Variants in DNAJB1 observed in about 807,000 individuals in gnomAD.
DNAJB1 encodes the protein DnaJ heat shock protein family (Hsp40) member B1.
DNAJB1 carries 14 observed loss-of-function variants against 24.0 expected under a neutral mutation model. That is an observed-to-expected ratio of 0.58 (90% CI 0.39 to 0.91). The LOEUF is 0.91. DNAJB1 is among the 40% of genes least tolerant of loss of function. The pLI, the probability that DNAJB1 is intolerant of heterozygous loss-of-function variation, is 0.00. For synonymous variants in DNAJB1, 262 were observed against 174.4 expected (o/e 1.50, Z -3.96); for missense variants, 517 against 458.1 (o/e 1.13, Z -1.17).
chr19:14,552,181 T>G (rs191484029), upstream of DNAJB1, among the ~76,000 whole-genome samples: 1,154 of 149,976 alleles, frequency 7.7e-3, 8 homozygotes, highest in Middle Eastern at 0.021. Context: ...TCTTTTTTTT[T>G]TTTTTTGAGA....
At chr19:14,529,299 AC>A in exon 1 of DNAJB1, 1 of 387,074 alleles carries the variant, frequency 2.6e-6, no homozygotes, top group East Asian at 5.6e-5. Flanking sequence ...GTCTGGCCTA[AC>A]CGTCGCTTAC....
At chr19:14,529,013 T>A (rs2072507191) in intron 1 of DNAJB1, 1 of 153,626 alleles carries the variant, frequency 6.5e-6, no homozygotes, top group Non-Finnish European at 1.5e-5. Flanking sequence ...CACCCCAGAA[T>A]GGGGCTGGGG....
At chr19:14,521,196 C>T (rs772241406), upstream of DNAJB1, among the ~76,000 whole-genome samples, 7 of 152,226 alleles carry the variant, frequency 4.6e-5, no homozygotes, top group African/African-American at 1.2e-4. Context: ...GGTGACTCAA[C>T]GCCTATAATC....
Position 14,518,373 on chromosome 19 carries a change from C to T in DNAJB1, c.-24G>A, listed in dbSNP as rs775704407. On this transcript the variant is annotated 5_prime_UTR_variant, in exon 1 of 3. Coordinates refer to ENST00000254322, the MANE Select transcript of DNAJB1 (RefSeq NM_006145.3). The stretch of plus-strand genomic sequence containing the variant: ...ATGACCCCCTCCTGCGGCCCGCCGA[C>T]CCGCTGTCGCCGTCCCCCGGCTCCG... 7 of 1,528,892 alleles carry T rather than the reference C, an allele frequency of 4.6e-6. No individual in the cohort carries two copies. Among genetic ancestry groups the T allele is most frequent in the Non-Finnish European group, 6.1e-6 (7 of 1,148,300 alleles). The allele number at this position is 1,528,892 out of a possible 1,614,324, so 94.7% of individuals were successfully genotyped here.
chr19:14,551,394 G>T (rs1038757034), upstream of DNAJB1, among the ~76,000 whole-genome samples: 2 of 152,104 alleles, frequency 1.3e-5, no homozygotes, highest in Non-Finnish European at 2.9e-5. Context: ...ATTTTGTGTA[G>T]AGAAGGAGTT....
At chr19:14,554,695 C>G (rs1388112212), upstream of DNAJB1, among the ~76,000 whole-genome samples, 1 of 152,136 alleles carries the variant, frequency 6.6e-6, no homozygotes, top group Non-Finnish European at 1.5e-5. Context: ...TTCCCTGTAC[C>G]TCTCATCCCC....
chr19:14,545,312 A>G (rs757729569), intron 1 of DNAJB1: 1 of 413,122 alleles, frequency 2.4e-6, no homozygotes, highest in East Asian at 7.2e-5. Context: ...GGGCCTTTGC[A>G]TTCCCCGCCA....
intron 1 of DNAJB1, among the ~76,000 whole-genome samples, chr19:14,558,316 T>C (rs1366477468): frequency 6.6e-6 from 1 of 152,108 alleles, no homozygotes; most frequent in Non-Finnish European, 1.5e-5. Context: ...CCCCCATTAG[T>C]AATATCTTCA....
intron 2 of DNAJB1, 102 bp from the exon 3 acceptor site, chr19:14,516,272 G>A (rs1313228447): frequency 4.3e-6 from 6 of 1,385,986 alleles, no homozygotes; most frequent in Non-Finnish European, 5.9e-6. Context: ...GGCCTCTGCA[G>A]CTAAGACCTG....
rs1288191702 is a variant in DNAJB1 at position 14,542,360 on chromosome 19, T to G, written c.-214+7848A>C. Among the ~76,000 whole-genome samples, 6 of 128,426 alleles carry G rather than the reference T, an allele frequency of 4.7e-5. No homozygotes were observed. The East Asian group carries it at 6.6e-4, about 14-fold the overall frequency. 84.3% of individuals were successfully genotyped at this position (128,426 alleles called of 152,430 possible). On this transcript the variant is annotated intron_variant, in intron 1 of 3. Coordinates refer to the DNAJB1 transcript ENST00000676982. ...TCATGCCATAGTGTTTTTTTTTTTT[T>G]TTTTTTTTTTTTTTTTCTGAGATGG...
At chr19:14,559,185 G>A (rs1210699933) in intron 1 of DNAJB1, among the ~76,000 whole-genome samples, 2 of 152,176 alleles carry the variant, frequency 1.3e-5, no homozygotes, top group Non-Finnish European at 2.9e-5. Context: ...AATTTATTGA[G>A]GTGAAATTCA....
chr19:14,531,889 G>C (rs527324327), upstream of DNAJB1: 2 of 152,026 alleles, frequency 1.3e-5, no homozygotes, highest in South Asian at 4.1e-4. Flanking sequence ...CACTACTGTA[G>C]TCTCAGCTAC....
chr19:14,525,234 A>T (rs914459264), intron 2 of DNAJB1, among the ~76,000 whole-genome samples: 4 of 152,226 alleles, frequency 2.6e-5, no homozygotes, highest in Non-Finnish European at 5.9e-5. Flanking sequence ...CTCCATCTCA[A>T]AAATAAAAAT....
intron 2 of DNAJB1, among the ~76,000 whole-genome samples, chr19:14,525,298 A>G (rs1173567928): frequency 6.7e-6 from 1 of 150,362 alleles, no homozygotes; most frequent in Admixed American, 6.7e-5. Flanking sequence ...TTTCATCAAC[A>G]TAGCAACACC....
chr19:14,547,930 C>A (rs2073360603), intron 1 of DNAJB1, among the ~76,000 whole-genome samples: 1 of 151,536 alleles, frequency 6.6e-6, no homozygotes, highest in Admixed American at 6.6e-5. Context: ...CCTGCCTTGG[C>A]CTCCCAACCA....
At chr19:14,548,284 A>G (rs2073373863) in intron 1 of DNAJB1, among the ~76,000 whole-genome samples, 1 of 151,932 alleles carries the variant, frequency 6.6e-6, no homozygotes, top group African/African-American at 2.4e-5. Flanking sequence ...CAAACTTTAC[A>G]TGTCCAAAAT....
rs2072276553 is a variant in DNAJB1 at position 14,516,973 on chromosome 19, A to G, written c.285T>C (p.His95=). ...CAGCAAACATGGCATGAGGGTCTCC[A>G]TGGAATGTGTAGCTGAAAGAGGTAC... The part of the protein sequence containing the change: ...ANGTSFSYTF[H]GDPHAMFAEF... Residue 95 remains histidine, a synonymous_variant, in exon 2 of 3, where the codon CAT becomes CAC. Transcript: ENST00000254322. 1.2e-6 allele frequency: 2 copies of G among 1,613,054 alleles called. No homozygotes were observed.
intron 1 of DNAJB1, among the ~76,000 whole-genome samples, chr19:14,536,294 G>T (rs1267996475): frequency 6.8e-6 from 1 of 147,998 alleles, no homozygotes; most frequent in Non-Finnish European, 1.5e-5. Context: ...TCGTGAGACA[G>T]AGTCCCCCTC....
chr19:14,556,413 A>AAAAAACAAAAACAAAAAC (rs71166757), intron 1 of DNAJB1, among the ~76,000 whole-genome samples: 9 of 86,514 alleles, frequency 1.0e-4, no homozygotes, highest in African/African-American at 1.9e-4. Flanking sequence ...TCTCTCAAAA[A>AAAAAACAAAAACAAAAAC]AAAAACAAAA....
Sources: gnomAD v4.1 joint callset for allele counts (sites outside exome capture counted in the v4.1 genomes callset) on GRCh38, gnomAD v4.1.1 for gene constraint, MANE v1.5 for transcripts, NCBI Gene and HGNC (gene_info 2026-07-23, HGNC 2026-07-21) for gene names.